The following MTRR variants were observed in gnomAD, a reference collection of about 807,000 sequenced individuals.
MTRR encodes methionine synthase reductase.
A neutral mutation model predicts 79.2 loss-of-function variants in MTRR; 63 were observed. The observed-to-expected ratio is 0.80, with a 90% CI of 0.65 to 0.98. The LOEUF (loss-of-function observed/expected upper bound fraction) is 0.98. MTRR is among the 50% of genes least tolerant of loss of function. The probability of loss-of-function intolerance (pLI) is 0.00; values close to 1 mark genes in which losing one functional copy is unlikely to be tolerated. For synonymous variants in MTRR, 355 were observed against 313.3 expected (o/e 1.13, Z -1.41); for missense variants, 895 against 839.6 (o/e 1.07, Z -0.82).
At position 7,901,048 on chromosome 5, in the gene MTRR, G is replaced by T. The variant is rs558187388; in HGVS notation, c.*990G>T. On this transcript the variant is annotated 3_prime_UTR_variant, in exon 15 of 15. Transcript: ENST00000440940. Reference sequence around the variant, plus strand: ...ATTGTATTTTTATTTGATAGCTTGGGATTTAAAACATCTCTGTTGAAGGCT... The same window carrying T: ...ATTGTATTTTTATTTGATAGCTTGGTATTTAAAACATCTCTGTTGAAGGCT... 1 of 152,138 alleles carries T rather than the reference G, an allele frequency of 6.6e-6. No homozygotes were observed. The highest frequency in any genetic ancestry group is 6.5e-5 in the Admixed American group (1 of 15,270). The allele number at this position is 152,138 out of a possible 1,614,324, so 9.4% of individuals were successfully genotyped here.
intron 1 of MTRR, chr5:7,859,608 C>G (rs1185662770): frequency 1.9e-6 from 2 of 1,028,848 alleles, no homozygotes; most frequent in African/African-American, 1.6e-5. Flanking sequence ...CTATTGGTTA[C>G]TTTGTTTGTT....
intron 11 of MTRR, chr5:7,893,138 T>TA (rs1323596245): frequency 3.4e-6 from 2 of 583,872 alleles, no homozygotes; most frequent in Non-Finnish European, 6.0e-6. Context: ...TTTTATATAG[T>TA]ACGGTCTTTG....
chr5:7,854,482 T>C (rs1746171215), intron 1 of MTRR, among the ~76,000 whole-genome samples: 3 of 151,732 alleles, frequency 2.0e-5, no homozygotes, highest in Admixed American at 2.0e-4. Flanking sequence ...TGAAAAGAGG[T>C]TTAATTGGAC....
In MTRR at chr5:7,853,213, T is replaced by G. The variant is rs145590213; in HGVS notation, n.391+1628T>G. ...GGCCATTTCCCCCATGCTGTTCTTG[T>G]GATAGTGAATTCTCACAGGATCTGA... On this transcript the variant is annotated intron_variant and non_coding_transcript_variant, in intron 1 of 3. Coordinates refer to the MTRR transcript ENST00000502509. 9.9e-3 allele frequency among the ~76,000 whole-genome samples: 1,505 copies of G among 152,292 alleles called. 7 individuals carry two copies. Among genetic ancestry groups the G allele is most frequent in the Non-Finnish European group, 0.015 (1,050 of 68,024 alleles).
chr5:7,898,219 A>G (rs1488075808), intron 14 of MTRR, among the ~76,000 whole-genome samples: 2 of 152,180 alleles, frequency 1.3e-5, no homozygotes, highest in East Asian at 3.9e-4. Flanking sequence ...TTCGCTTTTA[A>G]TGAAGTATTT....
chr5:7,862,559 C>G (rs1488609865), intron 2 of MTRR, among the ~76,000 whole-genome samples: 1 of 151,968 alleles, frequency 6.6e-6, no homozygotes. Flanking sequence ...GTCAATATTA[C>G]TATCATTTTA....
At chr5:7,859,960 C>T (rs1055691044) in intron 1 of MTRR, among the ~76,000 whole-genome samples, 7 of 151,778 alleles carry the variant, frequency 4.6e-5, no homozygotes, top group East Asian at 1.9e-4. Context: ...AGCTGGAGGA[C>T]GCAGCAGGGA....
At chr5:7,857,130 A>AT (rs902914301) in intron 1 of MTRR, among the ~76,000 whole-genome samples, 9 of 152,076 alleles carry the variant, frequency 5.9e-5, no homozygotes, top group East Asian at 1.9e-4. Context: ...AAGTAAAACA[A>AT]TTTTTTTTCA....
At chr5:7,858,144 G>A (rs1746307543) in intron 1 of MTRR, among the ~76,000 whole-genome samples, 1 of 152,070 alleles carries the variant, frequency 6.6e-6, no homozygotes, top group Non-Finnish European at 1.5e-5. Flanking sequence ...CAGTGAGGGT[G>A]GACCAGAGGC....
At position 7,889,354 on chromosome 5, in the gene MTRR, T is replaced by C. The variant is rs577147132; in HGVS notation, c.1327+79T>C. ...GGCCACCTTTCTGTAGTAAAGAAAA[T>C]TTGCTGCTCTTGTCTTACCCTTTGT... On this transcript the variant is annotated intron_variant, in intron 9 of 14. Transcript: ENST00000440940. The C allele has an allele frequency of 3.5e-4, 521 of 1,510,112 alleles. 2 individuals carry two copies. Among genetic ancestry groups the C allele is most frequent in the Middle Eastern group, 4.7e-4 (2 of 4,238 alleles). 93.5% of individuals were successfully genotyped at this position (1,510,112 alleles called of 1,614,324 possible).
At chr5:7,867,447 T>C (rs1412294987), upstream of MTRR, 1 of 1,614,132 alleles carries the variant, frequency 6.2e-7, no homozygotes, top group Non-Finnish European at 8.5e-7. Flanking sequence ...CGAACTTCCA[T>C]GCCACCTTTT....
intron 13 of MTRR, 45 bp downstream of exon 13, chr5:7,897,001 T>C (rs755165732): frequency 6.2e-7 from 1 of 1,612,258 alleles, no homozygotes; most frequent in South Asian, 1.1e-5. Flanking sequence ...GAGTGTACAA[T>C]TCTAATTCTC....
intron 9 of MTRR, 129 bp from the exon 10 acceptor site, chr5:7,891,243 G>A: frequency 1.5e-6 from 1 of 646,062 alleles, no homozygotes; most frequent in Non-Finnish European, 2.6e-6. Flanking sequence ...GCTTAACTAT[G>A]ATTTAAAACT....
chr5:7,853,103 C>T (rs1746123061), intron 1 of MTRR, among the ~76,000 whole-genome samples: 1 of 152,040 alleles, frequency 6.6e-6, no homozygotes, highest in African/African-American at 2.4e-5. Context: ...GCTTTGTGTC[C>T]CCACCTTAAT....
upstream of MTRR, chr5:7,865,861 A>G (rs575020257): frequency 3.4e-6 from 5 of 1,478,236 alleles, no homozygotes; most frequent in Non-Finnish European, 4.7e-6. Flanking sequence ...AACTGCACCC[A>G]TGGGGAAATA....
upstream of MTRR, chr5:7,868,045 T>C (rs1033440805): frequency 1.9e-6 from 3 of 1,612,780 alleles, no homozygotes; most frequent in Non-Finnish European, 2.5e-6. Context: ...GAAAATCAGA[T>C]AAACGATAAA....
rs774102072 is a variant in MTRR, at chr5:7,889,208, C to T, written c.1260C>T (p.Ala420=). 2 of 1,613,804 alleles carry T rather than the reference C, an allele frequency of 1.2e-6. No individual in the cohort carries two copies. The highest frequency in any genetic ancestry group is 1.7e-6 in the Non-Finnish European group (2 of 1,180,032). ...ATTATAGCCGCTTTGTACGAGATGC[C>T]TGTGCCTGCTTGTTGGATCTCCTCC... ...AADYSRFVRD[A]CACLLDLLLA... Residue 420 remains alanine (A), a synonymous_variant, in exon 9 of 15, where the codon GCC becomes GCT. Transcript: ENST00000440940.
chr5:7,862,864 T>C, intron 2 of MTRR: 1 of 1,613,936 alleles, frequency 6.2e-7, no homozygotes, highest in South Asian at 1.1e-5. Context: ...TGGAGCAAAA[T>C]ATAATCTTGC....
chr5:7,895,308 CTT>C (rs1397858917), intron 11 of MTRR, among the ~76,000 whole-genome samples: 1 of 152,158 alleles, frequency 6.6e-6, no homozygotes, highest in African/African-American at 2.4e-5. Context: ...CCCTCAATTT[CTT>C]TTTAAGGTGC....
Sources: gnomAD v4.1 joint callset for allele counts (sites outside exome capture counted in the v4.1 genomes callset) on GRCh38, gnomAD v4.1.1 for gene constraint, MANE v1.5 for transcripts, NCBI Gene and HGNC (gene_info 2026-07-23, HGNC 2026-07-21) for gene names.